The following PIEZO2 variants were observed in gnomAD, a reference collection of about 807,000 sequenced individuals.
The protein encoded by PIEZO2 is piezo-type mechanosensitive ion channel component 2.
In PIEZO2, 172 loss-of-function variants were observed where a neutral mutation model predicts 337.3. That is an observed-to-expected ratio of 0.51 (90% CI 0.45 to 0.58). The LOEUF (loss-of-function observed/expected upper bound fraction) is 0.58, where lower values mean the gene tolerates loss of function less well. Among genes scored for constraint, PIEZO2 ranks in the 20% least tolerant of loss-of-function variants. PIEZO2 has a pLI of 0.00. For synonymous variants in PIEZO2, 1,251 were observed against 1,228.5 expected, an observed-to-expected ratio of 1.02 and a Z score of -0.38; for missense variants, 3,028 against 3,391.3, an observed-to-expected ratio of 0.89 and a Z score of 2.66.
At chr18:10,725,079 G>A (rs558808676) in intron 36 of PIEZO2, 16 of 1,518,800 alleles carry the variant, frequency 1.1e-5, no homozygotes, top group South Asian at 4.5e-5. Flanking sequence ...AGGGAGACAA[G>A]TTCTTTCAGT....
intron 36 of PIEZO2, among the ~76,000 whole-genome samples, chr18:10,729,182 A>C (rs4797477): frequency 0.48 from 72,955 of 151,930 alleles, 17,968 homozygotes; most frequent in South Asian, 0.55. Flanking sequence ...CAATAAAGTA[A>C]GATAAAGTTA....
rs1341590029 is a variant in PIEZO2 at position 11,016,297 on chromosome 18, A to G, written c.161-36637T>C. Among the ~76,000 whole-genome samples the G allele has an allele frequency of 6.6e-6, 1 of 152,238 alleles. No individual in the cohort carries two copies. Among genetic ancestry groups the G allele is most frequent in the Non-Finnish European group, 1.5e-5 (1 of 68,054 alleles). ...GGATGACTGTGGGCAGAATCACAGG[A>G]GAGACACAGAATGTGGCGGTAGAGA... is the stretch of plus-strand genomic sequence containing the variant. On this transcript the variant is annotated intron_variant, in intron 2 of 55. Coordinates refer to ENST00000674853, the MANE Select transcript of PIEZO2 (RefSeq NM_001378183.1). The surrounding 1 kb of genome is among the most constrained non-coding windows in gnomAD (Gnocchi z 5.6).
intron 2 of PIEZO2, among the ~76,000 whole-genome samples, chr18:11,042,903 A>G (rs2037175132): frequency 6.6e-6 from 1 of 152,366 alleles, no homozygotes; most frequent in East Asian, 1.9e-4. Flanking sequence ...TGAGATACAG[A>G]AAATACTTCT....
chr18:10,965,305 T>C (rs1471523632), intron 3 of PIEZO2, among the ~76,000 whole-genome samples: 1 of 152,238 alleles, frequency 6.6e-6, no homozygotes, highest in Non-Finnish European at 1.5e-5. Flanking sequence ...TGCCACGCTT[T>C]ATTTTTTTGT....
chr18:10,905,942 G>C (rs1207654986), intron 4 of PIEZO2, among the ~76,000 whole-genome samples: 1 of 152,212 alleles, frequency 6.6e-6, no homozygotes, highest in East Asian at 1.9e-4. Flanking sequence ...TATGAGAAGA[G>C]GTCATGCTCC....
At chr18:10,686,721 G>T (rs1030063347) in intron 49 of PIEZO2, among the ~76,000 whole-genome samples, 1 of 152,170 alleles carries the variant, frequency 6.6e-6, no homozygotes, top group Non-Finnish European at 1.5e-5. Flanking sequence ...AGACTTGAGG[G>T]GTTAGGGCAG....
chr18:10,971,019 A>C (rs1432572913), intron 3 of PIEZO2, among the ~76,000 whole-genome samples: 1 of 152,180 alleles, frequency 6.6e-6, no homozygotes, highest in Non-Finnish European at 1.5e-5. Context: ...CAGAACAAGG[A>C]AAGTCACTGC....
At position 10,871,362 on chromosome 18, in the gene PIEZO2, C is replaced by A. The variant is rs958358461; in HGVS notation, c.383G>T (p.Gly128Val). ...NGIRVFVPDI[G>V]MFIASLTIWL... Reference sequence around the variant, plus strand: ...GATGGTCAGACTAGCAATGAACATCCCGATGTCAGGTACAAACACTCTGAT... The same window carrying A: ...GATGGTCAGACTAGCAATGAACATCACGATGTCAGGTACAAACACTCTGAT... Residue 128 changes from glycine (G) to valine (V), a missense_variant, in exon 5 of 56, where the codon GGG (glycine) becomes GTG (valine). Gly to Val is a moderately radical substitution (Grantham distance 109). Around this residue, in one of 5 missense-constraint regions of PIEZO2, gnomAD observed 542 missense variants for 605.6 expected, o/e 0.89. Transcript: ENST00000674853. 6.5e-7 allele frequency: 1 copy of A among 1,537,310 alleles called. No individual in the cohort carries two copies. Among genetic ancestry groups the A allele is most frequent in the African/African-American group, 1.4e-5 (1 of 73,128 alleles).
At chr18:10,897,552 G>A (rs559286555) in intron 4 of PIEZO2, among the ~76,000 whole-genome samples, 4 of 152,238 alleles carry the variant, frequency 2.6e-5, no homozygotes, top group East Asian at 3.9e-4. Context: ...CTTGCCTGCC[G>A]CCACATAAGA....
In PIEZO2 at chr18:11,116,497, A is replaced by G. The variant is rs1469238636; in HGVS notation, c.64+32028T>C. Among the ~76,000 whole-genome samples, 1 of 150,766 alleles carries G rather than the reference A, an allele frequency of 6.6e-6. No homozygotes were observed. The highest frequency in any genetic ancestry group is 1.5e-5 in the Non-Finnish European group (1 of 67,720). On this transcript the variant is annotated intron_variant, in intron 1 of 55. Transcript: ENST00000674853. The surrounding 1 kb of genome is among the most constrained non-coding windows in gnomAD (Gnocchi z 5.0). ...GGGAGGCCGAGCTGGGCGGATCACG[A>G]TGTCAGGAGACAGAGACCATCCTGG...
At chr18:11,008,586 G>T (rs1354335995) in intron 2 of PIEZO2, among the ~76,000 whole-genome samples, 1 of 152,160 alleles carries the variant, frequency 6.6e-6, no homozygotes, top group Non-Finnish European at 1.5e-5. Flanking sequence ...TTCTGACCCT[G>T]GGTAACTGAT....
In PIEZO2 at chr18:10,708,326, A is replaced by G. The variant is rs1397711165; in HGVS notation, c.5537T>C (p.Leu1846Pro). 1.3e-5 allele frequency: 2 copies of G among 152,684 alleles called. No homozygotes were observed. Among genetic ancestry groups the G allele is most frequent in the Admixed American group, 6.5e-5 (1 of 15,290 alleles). The allele number at this position is 152,684 out of a possible 1,614,324, so 9.5% of individuals were successfully genotyped here. Residue 1846 changes from leucine to proline, a missense_variant, in exon 40 of 56, where the codon CTC (leucine) becomes CCC (proline). Around this residue, in one of 5 missense-constraint regions of PIEZO2, gnomAD observed 1,925 missense variants for 2,051.9 expected, o/e 0.94. Transcript: ENST00000674853. ...TGATGAGGAGGACATATCCATGCTG[A>G]GCATTTTACGGAGCCTAGGCCGAGC... ...ERARPRLRKM[L>P]SMDMSSSSAD...
intron 49 of PIEZO2, among the ~76,000 whole-genome samples, chr18:10,684,311 G>A (rs1371677169): frequency 8.2e-6 from 1 of 122,370 alleles, no homozygotes; most frequent in Non-Finnish European, 1.7e-5. Context: ...GACTACAGGT[G>A]CCCGCCACCA....
chr18:10,799,126 G>C (rs2039714362), intron 11 of PIEZO2, among the ~76,000 whole-genome samples: 1 of 152,212 alleles, frequency 6.6e-6, no homozygotes, highest in Non-Finnish European at 1.5e-5. Flanking sequence ...ACAGACATGA[G>C]AATAAACCTG....
In PIEZO2 at chr18:10,858,981, T is replaced by C. The variant is rs148780374; in HGVS notation, c.493-1770A>G. Among the ~76,000 whole-genome samples, 16 of 152,294 alleles carry C rather than the reference T, an allele frequency of 1.1e-4. No homozygotes were observed. In the East Asian group the frequency reaches 2.1e-3, roughly 20 times the overall value. ...AGGGCCTAGTGTGTCCTAGCATATA[T>C]AGGAAGAGATATAGCAATAAACACG... On this transcript the variant is annotated intron_variant, in intron 5 of 55. Transcript: ENST00000674853.
chr18:10,833,755 C>T lies in PIEZO2; in HGVS notation c.917+21598G>A, dbSNP rs145613048. Among the ~76,000 whole-genome samples the T allele has an allele frequency of 7.9e-5, 12 of 152,282 alleles. No homozygotes were observed. Among genetic ancestry groups the T allele is most frequent in the Non-Finnish European group, 1.6e-4 (11 of 68,016 alleles). ...GCTTTGGGTCAAATATGTGTTTGTT[C>T]CCCAGTTTGGAGCCTCAAGACTTGC... On this transcript the variant is annotated intron_variant, in intron 7 of 55. Coordinates refer to ENST00000674853, the MANE Select transcript of PIEZO2 (RefSeq NM_001378183.1). The surrounding 1 kb of genome is among the most constrained non-coding windows in gnomAD (Gnocchi z 4.7).
chr18:10,739,803 T>A (rs1262265702), intron 33 of PIEZO2: 13 of 152,252 alleles, frequency 8.5e-5, no homozygotes, highest in Admixed American at 8.5e-4. Context: ...AAATTCAATA[T>A]TTGGGATTAA....
intron 2 of PIEZO2, among the ~76,000 whole-genome samples, chr18:11,026,979 G>T (rs547711861): frequency 6.6e-6 from 1 of 152,146 alleles, no homozygotes; most frequent in African/African-American, 2.4e-5. Context: ...GGGAGCGCTC[G>T]TCTCCAAGCT....
chr18:11,061,695 A>C (rs969357795), intron 2 of PIEZO2, among the ~76,000 whole-genome samples: 2 of 152,146 alleles, frequency 1.3e-5, no homozygotes, highest in Non-Finnish European at 2.9e-5. Flanking sequence ...AATCCAACTT[A>C]CAAGGGACGT....
Sources: gnomAD v4.1 joint callset for allele counts (sites outside exome capture counted in the v4.1 genomes callset) on GRCh38, gnomAD v4.1.1 for gene constraint, gnomAD v4.1.1 regional missense constraint, Gnocchi (gnomAD v3.1) non-coding constraint, MANE v1.5 for transcripts, NCBI Gene and HGNC (gene_info 2026-07-23, HGNC 2026-07-21) for gene names.